Variants in GPC5 observed in about 807,000 individuals in gnomAD.
The protein encoded by GPC5 is glypican-5.
In GPC5, 47 loss-of-function variants were observed where a neutral mutation model predicts 53.9. The ratio of observed to expected loss-of-function variants is 0.87; its 90% CI spans 0.69 to 1.11. The LOEUF (loss-of-function observed/expected upper bound fraction) is 1.11. Among genes scored for constraint, GPC5 ranks in the 50% most tolerant of loss-of-function variants. The pLI is 0.00. For missense variants in GPC5, 748 were observed against 713.1 expected (o/e 1.05, Z -0.56); for synonymous variants, 286 against 263.3 (o/e 1.09, Z -0.84).
chr13:92,720,469 A>T lies in GPC5; in HGVS notation c.1562-145813A>T, dbSNP rs548815943. Among the ~76,000 whole-genome samples, 6 of 152,236 alleles carry T rather than the reference A, an allele frequency of 3.9e-5. No homozygotes were observed. In the South Asian group the frequency reaches 1.0e-3, roughly 26 times the overall value. Reference sequence around the variant, plus strand: ...TTCATGGGCCCATGTTTAATTATTCATAGATACAATTTTTGGTTAATTTTG... The same window carrying T: ...TTCATGGGCCCATGTTTAATTATTCTTAGATACAATTTTTGGTTAATTTTG... On this transcript the variant is annotated intron_variant, in intron 7 of 7. Transcript: ENST00000377067.
At chr13:91,602,361 A>G (rs2033208452) in intron 2 of GPC5, among the ~76,000 whole-genome samples, 1 of 152,254 alleles carries the variant, frequency 6.6e-6, no homozygotes. Flanking sequence ...CAAGATAATA[A>G]GCAATTAACC....
intron 7 of GPC5, among the ~76,000 whole-genome samples, chr13:92,317,228 T>G (rs1037821479): frequency 1.3e-5 from 2 of 152,016 alleles, no homozygotes; most frequent in East Asian, 3.9e-4. Flanking sequence ...TCATGATAGA[T>G]AGTGTGCCTT....
At chr13:92,678,614 G>C (rs1887021923) in intron 7 of GPC5, among the ~76,000 whole-genome samples, 1 of 152,210 alleles carries the variant, frequency 6.6e-6, no homozygotes, top group African/African-American at 2.4e-5. Context: ...GGAAATGGTA[G>C]AAGAGTTTTT....
At position 92,807,366 on chromosome 13, in the gene GPC5, T is replaced by C. The variant is rs144512587; in HGVS notation, c.1562-58916T>C. Among the ~76,000 whole-genome samples the C allele has an allele frequency of 8.7e-4, 133 of 152,216 alleles. 1 individual carries two copies. Among genetic ancestry groups the C allele is most frequent in the African/African-American group, 3.2e-3 (131 of 41,566 alleles). On this transcript the variant is annotated intron_variant, in intron 7 of 7. Transcript: ENST00000377067. ...GATGGCCATCTGTGTAGCTTGTTCA[T>C]AATATTAGTTTATGGAGAAGAATGA...
chr13:91,925,209 C>T (rs1195970433), intron 6 of GPC5, among the ~76,000 whole-genome samples: 3 of 151,940 alleles, frequency 2.0e-5, no homozygotes, highest in African/African-American at 4.8e-5. Context: ...TGTCTTTAAC[C>T]AGTATCAATC....
At chr13:91,444,284 T>G (rs1006529908) in intron 1 of GPC5, among the ~76,000 whole-genome samples, 1 of 152,164 alleles carries the variant, frequency 6.6e-6, no homozygotes, top group Non-Finnish European at 1.5e-5. Flanking sequence ...ATGTTGTTCT[T>G]TCATGTTTTG....
At chr13:92,407,375 G>A (rs985723622) in intron 7 of GPC5, among the ~76,000 whole-genome samples, 5 of 152,144 alleles carry the variant, frequency 3.3e-5, no homozygotes, top group Admixed American at 6.5e-5. Context: ...CCCATTGGTA[G>A]CCTCGACAAG....
chr13:91,453,452 T>C (rs1881326588), intron 2 of GPC5, among the ~76,000 whole-genome samples: 1 of 152,048 alleles, frequency 6.6e-6, no homozygotes. Flanking sequence ...AATAGATTTA[T>C]ATAAATGTTA....
intron 7 of GPC5, among the ~76,000 whole-genome samples, chr13:92,741,426 G>A (rs984745236): frequency 6.6e-6 from 1 of 151,868 alleles, no homozygotes; most frequent in African/African-American, 2.4e-5. Flanking sequence ...GCTTTCATAA[G>A]ATGTGCCTCC....
Position 92,518,629 on chromosome 13 carries a change from C to G in GPC5, c.1562-347653C>G, listed in dbSNP as rs141158824. Among the ~76,000 whole-genome samples the G allele has an allele frequency of 6.8e-3, 1,041 of 152,286 alleles. 16 individuals carry two copies. The highest frequency in any genetic ancestry group is 0.024 in the African/African-American group (996 of 41,556). Reference sequence around the variant, plus strand: ...CCTTACAAGAGGCTCCTGAAGGAAACACTAAACATGGAAAGGAACAACCAA... The same window carrying G: ...CCTTACAAGAGGCTCCTGAAGGAAAGACTAAACATGGAAAGGAACAACCAA... On this transcript the variant is annotated intron_variant, in intron 7 of 7. Transcript: ENST00000377067.
At chr13:92,217,911 C>T (rs1374640531) in intron 7 of GPC5, among the ~76,000 whole-genome samples, 5 of 85,204 alleles carry the variant, frequency 5.9e-5, no homozygotes, top group African/African-American at 1.0e-4. Flanking sequence ...ATTATTTCTA[C>T]TTTTTTTTTT....
intron 7 of GPC5, among the ~76,000 whole-genome samples, chr13:92,714,844 G>A (rs1888271452): frequency 6.6e-6 from 1 of 152,126 alleles, no homozygotes; most frequent in Admixed American, 6.5e-5. Flanking sequence ...GAGGCAAGTG[G>A]ATCACGAGTT....
intron 7 of GPC5, among the ~76,000 whole-genome samples, chr13:92,556,658 C>A (rs1017965038): frequency 6.6e-6 from 1 of 151,714 alleles, no homozygotes; most frequent in African/African-American, 2.4e-5. Context: ...GACAAGTGTT[C>A]AACCCCTTTT....
At chr13:92,785,819 T>C (rs757969509) in intron 7 of GPC5, among the ~76,000 whole-genome samples, 36 of 152,224 alleles carry the variant, frequency 2.4e-4, no homozygotes, top group Non-Finnish European at 3.8e-4. Context: ...TACAATATTC[T>C]GTGCCTCCGT....
chr13:92,759,312 G>A (rs1015909717), intron 7 of GPC5, among the ~76,000 whole-genome samples: 1 of 151,642 alleles, frequency 6.6e-6, no homozygotes, highest in Non-Finnish European at 1.5e-5. Flanking sequence ...CATGGCATTG[G>A]ATCTATATAT....
At chr13:92,511,658 T>C (rs1880571320) in intron 7 of GPC5, among the ~76,000 whole-genome samples, 1 of 152,226 alleles carries the variant, frequency 6.6e-6, no homozygotes, top group Admixed American at 6.5e-5. Context: ...CATGGTTCTT[T>C]GTAGGTTTTT....
At chr13:91,758,840 T>C (rs2037350234) in intron 5 of GPC5, among the ~76,000 whole-genome samples, 1 of 152,138 alleles carries the variant, frequency 6.6e-6, no homozygotes, top group Non-Finnish European at 1.5e-5. Flanking sequence ...TGTCTTTAAC[T>C]ATCTTCAAAC....
intron 7 of GPC5, among the ~76,000 whole-genome samples, chr13:92,399,803 T>C (rs1259405568): frequency 6.6e-6 from 1 of 152,186 alleles, no homozygotes; most frequent in Non-Finnish European, 1.5e-5. Flanking sequence ...TACTGTTATT[T>C]AACTTTATGT....
At chr13:91,973,859 G>T (rs2040269081) in intron 6 of GPC5, among the ~76,000 whole-genome samples, 1 of 152,150 alleles carries the variant, frequency 6.6e-6, no homozygotes, top group African/African-American at 2.4e-5. Context: ...TGTCTCAGAG[G>T]AGTACCCGGC....
Sources: gnomAD v4.1 joint callset for allele counts (sites outside exome capture counted in the v4.1 genomes callset) on GRCh38, gnomAD v4.1.1 for gene constraint, MANE v1.5 for transcripts, NCBI Gene and HGNC (gene_info 2026-07-23, HGNC 2026-07-21) for gene names.